The following GRIK2 variants were observed in gnomAD, a reference collection of about 807,000 sequenced individuals.
The protein encoded by GRIK2 is glutamate ionotropic receptor kainate type subunit 2.
In GRIK2, 32 loss-of-function variants were observed where a neutral mutation model predicts 100.3. The observed-to-expected ratio is 0.32, with a 90% confidence interval of 0.24 to 0.43. GRIK2 has a LOEUF of 0.43. Ranked by LOEUF, GRIK2 falls within the 20% of genes least tolerant of loss-of-function variation. The pLI is 1.00. For synonymous variants in GRIK2, 417 were observed against 389.4 expected (o/e 1.07, Z -0.83); for missense variants, 843 against 1,114.9 (o/e 0.76, Z 3.47).
intron 2 of GRIK2, among the ~76,000 whole-genome samples, chr6:101,428,740 T>G (rs1769205122): frequency 6.6e-6 from 1 of 152,196 alleles, no homozygotes; most frequent in Admixed American, 6.5e-5. Flanking sequence ...AAGGACATCT[T>G]AAGGCTTTGT....
At chr6:101,686,147 C>T (rs2786251) in intron 6 of GRIK2, 33 bp from the exon 7 acceptor site, 2 of 1,576,632 alleles carry the variant, frequency 1.3e-6, no homozygotes, top group South Asian at 1.1e-5. Context: ...ATACTCTGTC[C>T]ATAATAACAA....
chr6:101,932,250 A>G (rs1166481306), intron 14 of GRIK2, among the ~76,000 whole-genome samples: 2 of 152,018 alleles, frequency 1.3e-5, no homozygotes, highest in African/African-American at 4.8e-5. Context: ...ACATATGTCC[A>G]TCTAAAAGAT....
At chr6:101,956,850 A>G (rs1791969769) in intron 14 of GRIK2, among the ~76,000 whole-genome samples, 1 of 129,036 alleles carries the variant, frequency 7.7e-6, no homozygotes, top group Admixed American at 8.1e-5. Context: ...TAAGAATTAT[A>G]GATATATACA....
intron 2 of GRIK2, among the ~76,000 whole-genome samples, chr6:101,417,092 C>T (rs1017158413): frequency 8.5e-5 from 13 of 152,120 alleles, no homozygotes; most frequent in African/African-American, 2.7e-4. Flanking sequence ...ACAATCATGG[C>T]GGAAGTTGAA....
At chr6:101,609,994 A>C (rs1779601536) in intron 2 of GRIK2, among the ~76,000 whole-genome samples, 1 of 151,736 alleles carries the variant, frequency 6.6e-6, no homozygotes, top group South Asian at 2.1e-4. Context: ...ATAGTTTTAA[A>C]AAGGGGGAAA....
chr6:101,701,855 T>C (rs1324842942), intron 7 of GRIK2, among the ~76,000 whole-genome samples: 1 of 152,046 alleles, frequency 6.6e-6, no homozygotes, highest in Admixed American at 6.6e-5. Context: ...TTTATTAACA[T>C]ACCAAGCAAA....
chr6:101,982,058 C>T (rs978645357), intron 14 of GRIK2, among the ~76,000 whole-genome samples: 3 of 151,936 alleles, frequency 2.0e-5, no homozygotes, highest in South Asian at 2.1e-4. Flanking sequence ...TTTTCACATT[C>T]GCTATTTGAA....
chr6:101,505,776 G>GAAA lies in GRIK2; in HGVS notation c.115+106398_115+106400dup, dbSNP rs35632931. On this transcript the variant is annotated intron_variant, in intron 2 of 16. Coordinates refer to ENST00000369134, the MANE Select transcript of GRIK2 (RefSeq NM_021956.5). The stretch of plus-strand genomic sequence containing the variant: ...AGACAGAAACTGCTTGAAGAAATTA[G>GAAA]AAAAAAAAAAAAAAAACTAGAAATC... Among the ~76,000 whole-genome samples the GAAA allele has an allele frequency of 2.5e-3, 279 of 113,296 alleles. 2 individuals are homozygous for GAAA. The highest frequency in any genetic ancestry group is 6.2e-3 in the South Asian group (25 of 4,014). The allele number at this position is 113,296 out of a possible 152,430, so 74.3% of individuals were successfully genotyped here.
chr6:101,800,178 T>C (rs1267986007), intron 8 of GRIK2, among the ~76,000 whole-genome samples: 1 of 152,036 alleles, frequency 6.6e-6, no homozygotes, highest in African/African-American at 2.4e-5. Context: ...GTTATTCAGA[T>C]TAATTGTTCC....
intron 2 of GRIK2, among the ~76,000 whole-genome samples, chr6:101,493,110 A>G (rs1047460083): frequency 1.3e-5 from 2 of 152,114 alleles, no homozygotes; most frequent in South Asian, 4.1e-4. Context: ...TAATACAGAC[A>G]AGAAAGAGAA....
rs557850189 is a variant in GRIK2 at position 101,652,848 on chromosome 6, C to T, written c.542-23775C>T. The stretch of plus-strand genomic sequence containing the variant: ...CTTAGTGGATAGGCCTCCAGGACTT[C>T]TTTGTCAGCTGGTGCTTAAGCTTGA... On this transcript the variant is annotated intron_variant, in intron 4 of 16. Coordinates refer to ENST00000369134, the MANE Select transcript of GRIK2 (RefSeq NM_021956.5). Among the ~76,000 whole-genome samples, 18 of 152,186 alleles carry T rather than the reference C, an allele frequency of 1.2e-4. No homozygotes were observed. The East Asian group carries it at 2.5e-3, about 21-fold the overall frequency.
chr6:101,972,033 T>C (rs1037504751), intron 14 of GRIK2, among the ~76,000 whole-genome samples: 3 of 152,022 alleles, frequency 2.0e-5, no homozygotes, highest in African/African-American at 7.2e-5. Context: ...TCTTTGCTAT[T>C]GTGAACAGCA....
chr6:102,058,098 G>C (rs1324794839), intron 16 of GRIK2, among the ~76,000 whole-genome samples: 1 of 151,748 alleles, frequency 6.6e-6, no homozygotes, highest in Non-Finnish European at 1.5e-5. Context: ...GAGAAAGCTG[G>C]GAAGGTATTT....
chr6:101,895,316 A>C (rs980778141), intron 12 of GRIK2, among the ~76,000 whole-genome samples: 1 of 151,718 alleles, frequency 6.6e-6, no homozygotes, highest in African/African-American at 2.4e-5. Context: ...TATCTATCAT[A>C]TTAGTGGGTT....
At chr6:101,817,104 C>T (rs1238811124) in intron 9 of GRIK2, among the ~76,000 whole-genome samples, 1 of 152,112 alleles carries the variant, frequency 6.6e-6, no homozygotes, top group Non-Finnish European at 1.5e-5. Context: ...TTGTCATAAG[C>T]ATAGTCTAAT....
At chr6:101,865,832 T>C (rs956452034) in intron 11 of GRIK2, among the ~76,000 whole-genome samples, 4 of 148,646 alleles carry the variant, frequency 2.7e-5, no homozygotes, top group Non-Finnish European at 5.9e-5. Flanking sequence ...GAGGTTGCAG[T>C]GAGCTGAGAT....
intron 4 of GRIK2, among the ~76,000 whole-genome samples, chr6:101,650,811 G>T (rs1781749288): frequency 6.6e-6 from 1 of 151,778 alleles, no homozygotes; most frequent in Non-Finnish European, 1.5e-5. Context: ...ATTTGAAATG[G>T]GGCTTACAGA....
chr6:101,541,376 C>CACACACACACACACACACA (rs775232963), intron 2 of GRIK2, among the ~76,000 whole-genome samples: 2 of 5,588 alleles, frequency 3.6e-4, no homozygotes, highest in Admixed American at 2.4e-3. Flanking sequence ...GCGCACACAA[C>CACACACACACACACACACA]CACACACACA....
chr6:101,711,752 T>C, intron 7 of GRIK2, among the ~76,000 whole-genome samples: 1 of 151,844 alleles, frequency 6.6e-6, no homozygotes, highest in Non-Finnish European at 1.5e-5. Flanking sequence ...TGTTAAGGTC[T>C]AAACTGAAAG....
Sources: gnomAD v4.1 joint callset for allele counts (sites outside exome capture counted in the v4.1 genomes callset) on GRCh38, gnomAD v4.1.1 for gene constraint, MANE v1.5 for transcripts, NCBI Gene and HGNC (gene_info 2026-07-23, HGNC 2026-07-21) for gene names.